ADARB2: variants seen among roughly 807,000 people sequenced by gnomAD.
ADARB2 encodes adenosine deaminase RNA specific B2 (inactive), also known as inactive double-stranded RNA-specific editase B2.
ADARB2 carries 25 observed loss-of-function variants against 62.2 expected under a neutral mutation model. The observed-to-expected ratio is 0.40, with a 90% CI of 0.29 to 0.56. The LOEUF is 0.56. Among genes scored for constraint, ADARB2 ranks in the 20% least tolerant of loss-of-function variants. The pLI, the probability that ADARB2 is intolerant of heterozygous loss-of-function variation, is 0.43. For synonymous variants in ADARB2, 572 were observed against 500.8 expected (o/e 1.14, Z -1.90); for missense variants, 1,071 against 1,077.4 (o/e 0.99, Z 0.08).
rs376426418 is a variant in ADARB2 at position 1,545,366 on chromosome 10, G to A, written c.101-166206C>T. On this transcript the variant is annotated intron_variant, in intron 1 of 9. Coordinates refer to ENST00000381312, the MANE Select transcript of ADARB2 (RefSeq NM_018702.4). ...AGTTCAAAATAATTAAAATCAGTGT[G>A]ATCTGAACATTTGGGGGATGTTTGT... Among the ~76,000 whole-genome samples, 56 of 152,282 alleles carry A rather than the reference G, an allele frequency of 3.7e-4. No homozygotes were observed. The South Asian group carries it at 0.011, about 31-fold the overall frequency.
chr10:1,585,898 G>A (rs1183395831), intron 1 of ADARB2, among the ~76,000 whole-genome samples: 6 of 152,128 alleles, frequency 3.9e-5, no homozygotes, highest in Middle Eastern at 3.2e-3. Context: ...GCTGGGTGGG[G>A]TGGCGGGCGG....
At chr10:1,347,454 A>C (rs1832091072) in intron 3 of ADARB2, among the ~76,000 whole-genome samples, 1 of 152,178 alleles carries the variant, frequency 6.6e-6, no homozygotes, top group Non-Finnish European at 1.5e-5. Flanking sequence ...GGTACTTGGC[A>C]CTCAAGGGCT....
chr10:1,281,242 C>T (rs1369129270), intron 3 of ADARB2, among the ~76,000 whole-genome samples: 1 of 152,254 alleles, frequency 6.6e-6, no homozygotes, highest in Non-Finnish European at 1.5e-5. Flanking sequence ...AGGGGCTCTT[C>T]AGGCCTGGAG....
chr10:1,523,179 A>T (rs1351264251), intron 1 of ADARB2, among the ~76,000 whole-genome samples: 2 of 152,250 alleles, frequency 1.3e-5, no homozygotes, highest in Non-Finnish European at 2.9e-5. Flanking sequence ...GAGAGAAACA[A>T]GTATGGCAAA....
At chr10:1,315,308 G>A (rs994541955) in intron 3 of ADARB2, among the ~76,000 whole-genome samples, 1 of 152,222 alleles carries the variant, frequency 6.6e-6, no homozygotes, top group African/African-American at 2.4e-5. Context: ...GCCCCAGCCA[G>A]CGCACATGGC....
intron 1 of ADARB2, among the ~76,000 whole-genome samples, chr10:1,406,995 G>C (rs980735422): frequency 1.3e-5 from 2 of 152,172 alleles, no homozygotes; most frequent in Non-Finnish European, 2.9e-5. Flanking sequence ...TGGTGATCTG[G>C]GCCCTGGGGG....
intron 1 of ADARB2, among the ~76,000 whole-genome samples, chr10:1,452,620 G>C (rs549635880): frequency 1.5e-4 from 23 of 150,230 alleles, no homozygotes; most frequent in Middle Eastern, 3.4e-3. Flanking sequence ...CGGGGGTTGG[G>C]GGGGGGAATA....
At chr10:1,335,331 G>A (rs1831963839) in intron 3 of ADARB2, among the ~76,000 whole-genome samples, 1 of 150,436 alleles carries the variant, frequency 6.6e-6, no homozygotes. Context: ...GGGATGAAGG[G>A]AGAGATGGAA....
At position 1,398,609 on chromosome 10, in the gene ADARB2, T is replaced by C. The variant is rs1442332980; in HGVS notation, c.101-19449A>G. On this transcript the variant is annotated intron_variant, in intron 1 of 9. Transcript: ENST00000381312. This position sits in a 1 kb window ranked among gnomAD's most constrained non-coding sequence, Gnocchi z 4.1. ...AGGTAAGACAACTCAAAAACGTGTA[T>C]TTGCCGTTTCTTTCTTTGAGAAATC... is the stretch of plus-strand genomic sequence containing the variant. Among the ~76,000 whole-genome samples the C allele has an allele frequency of 6.6e-6, 1 of 152,216 alleles. No homozygotes were observed. Among genetic ancestry groups the C allele is most frequent in the Non-Finnish European group, 1.5e-5 (1 of 68,036 alleles).
intron 1 of ADARB2, among the ~76,000 whole-genome samples, chr10:1,491,333 G>A (rs1490036392): frequency 6.6e-6 from 1 of 152,176 alleles, no homozygotes; most frequent in Non-Finnish European, 1.5e-5. Flanking sequence ...GCCTCCTAAA[G>A]TGCTAGGATT....
chr10:1,464,016 C>A (rs1831211282), intron 1 of ADARB2, among the ~76,000 whole-genome samples: 1 of 152,268 alleles, frequency 6.6e-6, no homozygotes, highest in Admixed American at 6.5e-5. Flanking sequence ...TGCAATAAAA[C>A]AACCACAGAG....
At chr10:1,510,128 C>CTTTCTTTCTT (rs1564312575) in intron 1 of ADARB2, among the ~76,000 whole-genome samples, 6 of 123,066 alleles carry the variant, frequency 4.9e-5, no homozygotes, top group South Asian at 2.6e-4. Context: ...TTCTTTCTTT[C>CTTTCTTTCTT]TTTCTTTCTT....
At chr10:1,573,838 G>A (rs1832972620) in intron 1 of ADARB2, among the ~76,000 whole-genome samples, 1 of 152,288 alleles carries the variant, frequency 6.6e-6, no homozygotes, top group East Asian at 1.9e-4. Flanking sequence ...GCCGCCCAGT[G>A]AGCCCGCTGC....
chr10:1,187,242 G>A lies in ADARB2; in HGVS notation c.1865-2203C>T, dbSNP rs1206130296. 2.0e-5 allele frequency among the ~76,000 whole-genome samples: 3 copies of A among 152,358 alleles called. No homozygotes were observed. In the East Asian group the frequency reaches 5.8e-4, roughly 29 times the overall value. ...CGCTGTGGCTGTCCTACTAGGCAGGGGCCGCCTGGGCAGGAGGAGCCAGCC... is the reference window on the plus strand; with the variant it reads ...CGCTGTGGCTGTCCTACTAGGCAGGAGCCGCCTGGGCAGGAGGAGCCAGCC... On this transcript the variant is annotated intron_variant, in intron 8 of 9. Transcript: ENST00000381312.
intron 3 of ADARB2, among the ~76,000 whole-genome samples, chr10:1,311,518 A>G (rs1831690973): frequency 6.6e-6 from 1 of 152,124 alleles, no homozygotes; most frequent in South Asian, 2.1e-4. Context: ...ATCTGAGTAC[A>G]CCTGCATCTT....
rs111489179 is a variant in ADARB2 at position 1,474,952 on chromosome 10, C to T, written c.101-95792G>A. The stretch of plus-strand genomic sequence containing the variant: ...CCTCAGTGACCGAGGCGGCGGCTGC[C>T]GGTCGTCCTGGAGGGAGAGCTGCCT... On this transcript the variant is annotated intron_variant, in intron 1 of 9. Transcript: ENST00000381312. Among the ~76,000 whole-genome samples the T allele has an allele frequency of 9.2e-3, 1,408 of 152,248 alleles. 21 individuals are homozygous for T. The highest frequency in any genetic ancestry group is 0.027 in the African/African-American group (1,138 of 41,556).
At chr10:1,558,022 G>A (rs961733452) in intron 1 of ADARB2, among the ~76,000 whole-genome samples, 3 of 152,170 alleles carry the variant, frequency 2.0e-5, no homozygotes, top group Non-Finnish European at 2.9e-5. Context: ...AAGCAGCTGA[G>A]TTCCCAGCCT....
chr10:1,710,301 G>A (rs1419630410), intron 1 of ADARB2, among the ~76,000 whole-genome samples: 1 of 152,200 alleles, frequency 6.6e-6, no homozygotes, highest in Non-Finnish European at 1.5e-5. Context: ...CATTGGAACT[G>A]TCCTCAGGGC....
intron 8 of ADARB2, among the ~76,000 whole-genome samples, chr10:1,189,440 G>A (rs1026960855): frequency 2.0e-5 from 3 of 152,022 alleles, no homozygotes; most frequent in Non-Finnish European, 4.4e-5. Flanking sequence ...CATTGCTAGC[G>A]GTAGTTGTGG....
Sources: gnomAD v4.1 joint callset for allele counts (sites outside exome capture counted in the v4.1 genomes callset) on GRCh38, gnomAD v4.1.1 for gene constraint, Gnocchi (gnomAD v3.1) non-coding constraint, MANE v1.5 for transcripts, NCBI Gene and HGNC (gene_info 2026-07-23, HGNC 2026-07-21) for gene names.